Variants in LIG1 observed in about 807,000 individuals in gnomAD.
LIG1 encodes the protein DNA ligase 1, also known as ligase I, DNA, ATP-dependent.
A neutral mutation model predicts 115.7 loss-of-function variants in LIG1; 70 were observed. The ratio of observed to expected loss-of-function variants is 0.60; its 90% CI spans 0.50 to 0.74. The LOEUF (loss-of-function observed/expected upper bound fraction) is 0.74, where lower values mean the gene tolerates loss of function less well. Among genes scored for constraint, LIG1 ranks in the 30% least tolerant of loss-of-function variants. LIG1 has a pLI of 0.00. For missense variants in LIG1, 1,115 were observed against 1,225.6 expected (o/e 0.91, Z 1.35); for synonymous variants, 487 against 495.3 (o/e 0.98, Z 0.22).
At chr19:48,156,440 G>C (rs1049237918) in intron 5 of LIG1, among the ~76,000 whole-genome samples, 1 of 152,168 alleles carries the variant, frequency 6.6e-6, no homozygotes, top group Non-Finnish European at 1.5e-5. Flanking sequence ...CAGCGTACAC[G>C]TGTTATCTTC....
chr19:48,123,405 T>A (rs1369045693), intron 21 of LIG1, 87 bp from the exon 22 acceptor site: 7 of 1,489,808 alleles, frequency 4.7e-6, no homozygotes, highest in Non-Finnish European at 6.4e-6. Context: ...ACAGGACATG[T>A]GCGGGTCACA....
At chr19:48,160,883 C>A (rs1398675555) in intron 4 of LIG1, among the ~76,000 whole-genome samples, 3 of 152,094 alleles carry the variant, frequency 2.0e-5, no homozygotes, top group Admixed American at 6.5e-5. Flanking sequence ...CAGGCATGCA[C>A]CACCACACCT....
rs1383636721 is a variant in LIG1, at chr19:48,140,077, G to A, written c.981C>T (p.Leu327=). ...TGAGGCTGAGGTAGAGGACAGGGAG[G>A]AGGTCTGGAGGCGACAGGGCCACCA... ...RSVVALSPPD[L]LPVLYLSLNH... The change falls in exon 12 of 28, where the codon CTC becomes CTT. Residue 327 remains leucine, a synonymous_variant. Coordinates refer to ENST00000263274, the MANE Select transcript of LIG1 (RefSeq NM_000234.3). 2 of 1,613,970 alleles carry A rather than the reference G, an allele frequency of 1.2e-6. No individual in the cohort carries two copies. The highest frequency in any genetic ancestry group is 1.7e-6 in the Non-Finnish European group (2 of 1,180,026).
chr19:48,153,192 CA>C (rs776965171), intron 6 of LIG1, among the ~76,000 whole-genome samples: 16,512 of 64,428 alleles, frequency 0.26, 869 homozygotes, highest in African/African-American at 0.39. Context: ...GAGACTGTCT[CA>C]AAAAAAAAAA....
chr19:48,122,803 C>G lies in LIG1; in HGVS notation c.2232+131G>C, dbSNP rs1430063333. 1 of 852,734 alleles carries G rather than the reference C, an allele frequency of 1.2e-6. No individual in the cohort carries two copies. The allele number at this position is 852,734 out of a possible 1,614,324, so 52.8% of individuals were successfully genotyped here. A position where few individuals can be genotyped will look rare whatever the true frequency, so the allele number is the denominator to read the frequency against. ...GTCTGAACTCAGTTGCAGCAGGGGG[C>G]TGGGGTGGGATTGTGAAAAGGGGCC... is the stretch of plus-strand genomic sequence containing the variant. On this transcript the variant is annotated intron_variant, in intron 23 of 27. Transcript: ENST00000263274. This position sits in a 1 kb window ranked among gnomAD's most constrained non-coding sequence, Gnocchi z 4.3.
intron 1 of LIG1, chr19:48,169,952 C>T (rs1159554033): frequency 4.1e-5 from 9 of 220,190 alleles, no homozygotes; most frequent in Non-Finnish European, 8.4e-5. Flanking sequence ...TTGGCCTCTC[C>T]CCTTTCCAGG....
intron 2 of LIG1, among the ~76,000 whole-genome samples, chr19:48,163,225 A>AT (rs34148826): frequency 4.0e-5 from 6 of 148,426 alleles, no homozygotes; most frequent in South Asian, 4.3e-4. Flanking sequence ...GCCTAAAAAA[A>AT]TTTTTTTTTT....
rs1219271250 is a variant in LIG1 at position 48,170,336 on chromosome 19, C to G, written c.-153G>C. ...AAGTTCGCGCCACGGCATTCGCGCG[C>G]AGACGTCTGCGGGCGGGGGCGGGGC... On this transcript the variant is annotated 5_prime_UTR_variant, in exon 1 of 28. Transcript: ENST00000263274. The G allele has an allele frequency of 2.3e-6, 1 of 440,180 alleles. No homozygotes were observed. The allele number at this position is 440,180 out of a possible 1,614,324, so 27.3% of individuals were successfully genotyped here. A position where few individuals can be genotyped will look rare whatever the true frequency, so the allele number is the denominator to read the frequency against.
chr19:48,122,888 C>G lies in LIG1; in HGVS notation c.2232+46G>C. ...AATCCACTGCCTAGCTGGGACAGAC[C>G]TCCAGACCCGGGGTGGAGAAGGCCC... On this transcript the variant is annotated intron_variant, in intron 23 of 27. Transcript: ENST00000263274. This position sits in a 1 kb window ranked among gnomAD's most constrained non-coding sequence, Gnocchi z 4.3. The G allele has an allele frequency of 6.3e-7, 1 of 1,574,874 alleles. No homozygotes were observed. The highest frequency in any genetic ancestry group is 1.7e-5 in the Admixed American group (1 of 59,904).
chr19:48,123,358 G>A (rs753653757), intron 21 of LIG1, 40 bp from the exon 22 acceptor site: 51 of 1,605,142 alleles, frequency 3.2e-5, no homozygotes, highest in Non-Finnish European at 4.1e-5. Context: ...AGACATCTTT[G>A]TGAGAATAAA....
chr19:48,149,482 C>T (rs1394204273), intron 9 of LIG1, among the ~76,000 whole-genome samples: 1 of 152,128 alleles, frequency 6.6e-6, no homozygotes, highest in Non-Finnish European at 1.5e-5. Context: ...GGGGATCAGA[C>T]TGAGGATGAA....
At chr19:48,152,216 A>G (rs2035523523) in intron 6 of LIG1, among the ~76,000 whole-genome samples, 1 of 151,966 alleles carries the variant, frequency 6.6e-6, no homozygotes, top group African/African-American at 2.4e-5. Flanking sequence ...TCCACCTCCC[A>G]GTTTCAAGGG....
chr19:48,115,956 C>T lies in LIG1; in HGVS notation c.2593G>A (p.Asp865Asn), dbSNP rs1401333056. Reference protein sequence around the residue: ...YPAARGLVDSDKGISLRFPRF... With the variant: ...YPAARGLVDSNKGISLRFPRF... ...GGGAAGCGAAGGGAGATGCCCTTGT[C>T]ACTATCCACCTGCGGAAGCGGGATG... is the stretch of plus-strand genomic sequence containing the variant. Residue 865 changes from aspartate (D) to asparagine (N), a missense_variant, in exon 27 of 28, where the codon GAC becomes AAC. Physicochemically the swap from Asp to Asn is conservative, Grantham distance 23. Transcript: ENST00000263274. 7 of 1,613,360 alleles carry T rather than the reference C, an allele frequency of 4.3e-6. No homozygotes were observed. The highest frequency in any genetic ancestry group is 1.3e-5 in the African/African-American group (1 of 74,910).
intron 9 of LIG1, among the ~76,000 whole-genome samples, chr19:48,146,500 A>C (rs1466023661): frequency 1.3e-5 from 2 of 152,178 alleles, no homozygotes; most frequent in Non-Finnish European, 2.9e-5. Context: ...AGTCTAACAA[A>C]AAAGTGTCTG....
Position 48,161,431 on chromosome 19 carries a change from G to C in LIG1, c.184C>G (p.Arg62Gly). Residue 62 changes from arginine to glycine, a missense_variant, in exon 4 of 28, where the codon CGG becomes GGG. Arg to Gly is a moderately radical substitution (Grantham distance 125). Coordinates refer to ENST00000263274, the MANE Select transcript of LIG1 (RefSeq NM_000234.3). Reference sequence around the variant, plus strand: ...TCTTCCCCTTCGCTGCCCAGGACCCGGGCCGCCTTCCTCCCTGGCCTCTTC... The same window carrying C: ...TCTTCCCCTTCGCTGCCCAGGACCCCGGCCGCCTTCCTCCCTGGCCTCTTC... ...PVKRPGRKAARVLGSEGEEED... is the reference protein window; with the variant it reads ...PVKRPGRKAAGVLGSEGEEED... 1 of 1,614,080 alleles carries C rather than the reference G, an allele frequency of 6.2e-7. No individual in the cohort carries two copies. Among genetic ancestry groups the C allele is most frequent in the African/African-American group, 1.3e-5 (1 of 75,002 alleles).
intron 9 of LIG1, among the ~76,000 whole-genome samples, chr19:48,144,335 G>C (rs1180345854): frequency 6.6e-6 from 1 of 152,148 alleles, no homozygotes; most frequent in Non-Finnish European, 1.5e-5. Context: ...TCCAGGCAGA[G>C]AGAATAGCGT....
At chr19:48,167,665 A>G (rs1257679984) in intron 1 of LIG1, among the ~76,000 whole-genome samples, 7 of 151,938 alleles carry the variant, frequency 4.6e-5, no homozygotes, top group Admixed American at 4.6e-4. Context: ...TCTCTACTAA[A>G]AATGCAAAAA....
chr19:48,154,243 CTTGG>C (rs1238534674), intron 5 of LIG1: 1 of 430,570 alleles, frequency 2.3e-6, no homozygotes, highest in African/African-American at 2.0e-5. Flanking sequence ...ATGTAATGTA[CTTGG>C]CACAGTACCG....
At chr19:48,158,257 A>G (rs187063649) in intron 4 of LIG1, among the ~76,000 whole-genome samples, 2 of 152,280 alleles carry the variant, frequency 1.3e-5, no homozygotes, top group Non-Finnish European at 2.9e-5. Flanking sequence ...CCTGGTTCAA[A>G]TAACATCCAC....
Sources: allele counts gnomAD v4.1 joint callset (sites outside exome capture counted in the v4.1 genomes callset), GRCh38; gene constraint gnomAD v4.1.1; non-coding constraint Gnocchi (gnomAD v3.1); transcripts MANE v1.5; gene names NCBI Gene and HGNC (gene_info 2026-07-23, HGNC 2026-07-21).